NAALADL2: variants seen among roughly 807,000 people sequenced by gnomAD.
NAALADL2 encodes N-acetylated alpha-linked acidic dipeptidase like 2.
In NAALADL2, 76 loss-of-function variants were observed where a neutral mutation model predicts 87.2. The ratio of observed to expected loss-of-function variants is 0.87; its 90% CI spans 0.72 to 1.05. NAALADL2 has a LOEUF of 1.05. Among genes scored for constraint, NAALADL2 ranks in the 50% least tolerant of loss-of-function variants. The pLI is 0.00. For missense variants in NAALADL2, 1,089 were observed against 945.8 expected (o/e 1.15, Z -1.99); for synonymous variants, 354 against 331.0 (o/e 1.07, Z -0.75).
rs367868281 is a variant in NAALADL2, at chr3:175,579,223, C to CTATCATCT, written c.1800+3036_1800+3037insTATCATCT. Among the ~76,000 whole-genome samples, 982 of 146,890 alleles carry CTATCATCT rather than the reference C, an allele frequency of 6.7e-3. 9 individuals carry two copies. Among genetic ancestry groups the CTATCATCT allele is most frequent in the African/African-American group, 0.023 (928 of 40,676 alleles). On this transcript the variant is annotated intron_variant, in intron 10 of 13. Transcript: ENST00000454872. ...ATTATCTATCTATCTATCTATCTAT[C>CTATCATCT]ATCTATCATCCAGTGAGATTGATCA...
chr3:175,003,616 T>C (rs1333672780), intron 1 of NAALADL2, among the ~76,000 whole-genome samples: 4 of 152,166 alleles, frequency 2.6e-5, no homozygotes, highest in African/African-American at 9.7e-5. Context: ...AAAAAAATTG[T>C]GTCTGATCTC....
chr3:175,098,739 T>C (rs1332265563), intron 2 of NAALADL2, among the ~76,000 whole-genome samples: 3 of 152,186 alleles, frequency 2.0e-5, no homozygotes, highest in Admixed American at 6.5e-5. Context: ...CTCAGGATGT[T>C]ATTAGAAAAC....
intron 3 of NAALADL2, among the ~76,000 whole-genome samples, chr3:174,781,858 G>GCAGACAGAGACTT (rs1337084736): frequency 6.6e-6 from 1 of 152,054 alleles, no homozygotes; most frequent in Non-Finnish European, 1.5e-5. Flanking sequence ...CCAGGCTGTA[G>GCAGACAGAGACTT]CAGACAGAGA....
At chr3:174,606,106 G>T (rs1288484415) in intron 2 of NAALADL2, among the ~76,000 whole-genome samples, 3 of 152,130 alleles carry the variant, frequency 2.0e-5, no homozygotes, top group Non-Finnish European at 4.4e-5. Context: ...TGCAGCTGAG[G>T]GTCCTCTCTG....
intron 1 of NAALADL2, among the ~76,000 whole-genome samples, chr3:175,019,253 A>G (rs1199844996): frequency 6.6e-6 from 1 of 152,078 alleles, no homozygotes; most frequent in Non-Finnish European, 1.5e-5. Context: ...ACAGCTCAGC[A>G]CAGTGTCTGC....
At chr3:175,411,638 A>G (rs568611851) in intron 5 of NAALADL2, among the ~76,000 whole-genome samples, 3 of 152,290 alleles carry the variant, frequency 2.0e-5, no homozygotes, top group Non-Finnish European at 4.4e-5. Flanking sequence ...AAGAAATTTC[A>G]TTTTGTAACA....
upstream of NAALADL2, among the ~76,000 whole-genome samples, chr3:174,857,489 C>A (rs149767326): frequency 6.6e-6 from 1 of 152,190 alleles, no homozygotes; most frequent in African/African-American, 2.4e-5. Flanking sequence ...TGCTTTATAA[C>A]TGTTATTGAC....
intron 1 of NAALADL2, among the ~76,000 whole-genome samples, chr3:174,944,470 C>T (rs1335408528): frequency 6.6e-6 from 1 of 152,168 alleles, no homozygotes; most frequent in Non-Finnish European, 1.5e-5. Flanking sequence ...TACAATGCTG[C>T]TACCAGTGGC....
chr3:175,327,151 T>C (rs1760818991), intron 5 of NAALADL2, among the ~76,000 whole-genome samples: 1 of 94,676 alleles, frequency 1.1e-5, no homozygotes, highest in Admixed American at 1.1e-4. Context: ...TACATTTCTT[T>C]TTTTTTTTTT....
chr3:174,450,511 C>T (rs1179155063), intron 1 of NAALADL2, among the ~76,000 whole-genome samples: 1 of 152,114 alleles, frequency 6.6e-6, no homozygotes, highest in African/African-American at 2.4e-5. Context: ...CTTTGGAAGG[C>T]TTGATGGTTG....
At chr3:175,396,165 A>G (rs960882010) in intron 5 of NAALADL2, among the ~76,000 whole-genome samples, 2 of 152,182 alleles carry the variant, frequency 1.3e-5, no homozygotes, top group African/African-American at 4.8e-5. Flanking sequence ...AACCATATAT[A>G]GTATGAAAGA....
chr3:174,610,890 C>G (rs1232836475), intron 2 of NAALADL2, among the ~76,000 whole-genome samples: 3 of 152,092 alleles, frequency 2.0e-5, no homozygotes, highest in African/African-American at 4.8e-5. Flanking sequence ...GCACTGTTCA[C>G]AATAGCAAAG....
At chr3:174,776,998 A>G (rs1482924149) in intron 3 of NAALADL2, among the ~76,000 whole-genome samples, 2 of 152,150 alleles carry the variant, frequency 1.3e-5, no homozygotes, top group Admixed American at 1.3e-4. Flanking sequence ...AGCTATATAT[A>G]ATGAGTAATT....
chr3:174,596,037 CAAAA>C (rs552094257), intron 2 of NAALADL2, among the ~76,000 whole-genome samples: 178 of 151,220 alleles, frequency 1.2e-3, no homozygotes, highest in African/African-American at 4.1e-3. Context: ...AACAAACAAA[CAAAA>C]ATAACAAAAC....
At chr3:175,145,034 A>C (rs2108749314) in intron 2 of NAALADL2, among the ~76,000 whole-genome samples, 1 of 151,840 alleles carries the variant, frequency 6.6e-6, no homozygotes, top group South Asian at 2.1e-4. Context: ...GATTTGATGT[A>C]TTGCTTTTTC....
intron 2 of NAALADL2, among the ~76,000 whole-genome samples, chr3:175,211,812 A>G (rs998195523): frequency 6.6e-6 from 1 of 152,036 alleles, no homozygotes; most frequent in Non-Finnish European, 1.5e-5. Context: ...AAATGCTCTT[A>G]AATTTTCTTG....
chr3:175,672,693 A>G (rs1734168733), intron 11 of NAALADL2, among the ~76,000 whole-genome samples: 1 of 152,206 alleles, frequency 6.6e-6, no homozygotes, highest in Non-Finnish European at 1.5e-5. Context: ...CAAGGGACAT[A>G]ACACTGATTT....
At chr3:174,574,709 C>T (rs1185103841) in intron 2 of NAALADL2, among the ~76,000 whole-genome samples, 2 of 152,032 alleles carry the variant, frequency 1.3e-5, no homozygotes, top group African/African-American at 2.4e-5. Flanking sequence ...AGTCGATATT[C>T]CCTATAGAAG....
At chr3:175,595,997 A>C (rs949659363) in intron 10 of NAALADL2, among the ~76,000 whole-genome samples, 3 of 152,050 alleles carry the variant, frequency 2.0e-5, no homozygotes, top group African/African-American at 7.2e-5. Flanking sequence ...TACATATAAA[A>C]ATATCTAACT....
Sources: allele counts gnomAD v4.1 joint callset (sites outside exome capture counted in the v4.1 genomes callset), GRCh38; gene constraint gnomAD v4.1.1; transcripts MANE v1.5; gene names NCBI Gene and HGNC (gene_info 2026-07-23, HGNC 2026-07-21).